The following ADGRB3 variants were observed in gnomAD, a reference collection of about 807,000 sequenced individuals.
ADGRB3 encodes adhesion G protein-coupled receptor B3, also known as brain-specific angiogenesis inhibitor 3.
A neutral mutation model predicts 193.4 loss-of-function variants in ADGRB3; 37 were observed. The ratio of observed to expected loss-of-function variants is 0.19; its 90% CI spans 0.15 to 0.25. The LOEUF (loss-of-function observed/expected upper bound fraction) is 0.25. ADGRB3 is among the 10% of genes least tolerant of loss of function. ADGRB3 has a pLI of 1.00. For synonymous variants in ADGRB3, 690 were observed against 644.2 expected (o/e 1.07, Z -1.08); for missense variants, 1,637 against 1,852.9 (o/e 0.88, Z 2.14).
chr6:68,942,698 C>A (rs541215060), intron 5 of ADGRB3, among the ~76,000 whole-genome samples: 1 of 152,068 alleles, frequency 6.6e-6, no homozygotes, highest in Admixed American at 6.6e-5. Flanking sequence ...GCAGCCCCCA[C>A]CTTCCAGATT....
At chr6:69,165,872 T>A (rs556478161) in intron 17 of ADGRB3, among the ~76,000 whole-genome samples, 2 of 152,246 alleles carry the variant, frequency 1.3e-5, no homozygotes, top group South Asian at 4.1e-4. Context: ...ATTTTATAGA[T>A]GAAGAAACTG....
At chr6:68,965,445 GT>G (rs66575626) in intron 8 of ADGRB3, among the ~76,000 whole-genome samples, 7 of 148,744 alleles carry the variant, frequency 4.7e-5, no homozygotes, top group East Asian at 3.9e-4. Context: ...AGTAGTACAT[GT>G]TTTTTTTTTG....
intron 30 of ADGRB3, among the ~76,000 whole-genome samples, chr6:69,377,143 T>C (rs1769842583): frequency 6.6e-6 from 1 of 152,068 alleles, no homozygotes; most frequent in African/African-American, 2.4e-5. Context: ...CATTGCTTCC[T>C]TAATATGAGT....
At chr6:68,915,598 G>A (rs908807989) in intron 3 of ADGRB3, among the ~76,000 whole-genome samples, 9 of 152,140 alleles carry the variant, frequency 5.9e-5, no homozygotes, top group Non-Finnish European at 1.3e-4. Flanking sequence ...AGACAGGAGA[G>A]TGTCCTCGGC....
At chr6:69,174,394 C>A (rs2150349065) in intron 17 of ADGRB3, among the ~76,000 whole-genome samples, 1 of 152,278 alleles carries the variant, frequency 6.6e-6, no homozygotes, top group African/African-American at 2.4e-5. Context: ...GGGATAATGG[C>A]CTTCAGCTAC....
intron 3 of ADGRB3, among the ~76,000 whole-genome samples, chr6:68,697,815 G>T (rs1765181387): frequency 6.6e-6 from 1 of 151,840 alleles, no homozygotes; most frequent in East Asian, 1.9e-4. Flanking sequence ...GACTTTCAAA[G>T]GATTTGCATT....
intron 15 of ADGRB3, among the ~76,000 whole-genome samples, chr6:69,061,584 T>C (rs1771750920): frequency 6.6e-6 from 1 of 152,032 alleles, no homozygotes; most frequent in Non-Finnish European, 1.5e-5. Context: ...ATGGTAATTA[T>C]TTATAATAGC....
At chr6:68,765,537 G>GACAC (rs59919588) in intron 3 of ADGRB3, among the ~76,000 whole-genome samples, 22,564 of 143,386 alleles carry the variant, frequency 0.16, 2,078 homozygotes, top group East Asian at 0.45. Context: ...TATTCTTATA[G>GACAC]ACACACACAC....
chr6:69,065,531 G>A (rs1199887676), intron 16 of ADGRB3, among the ~76,000 whole-genome samples: 1 of 151,886 alleles, frequency 6.6e-6, no homozygotes, highest in Non-Finnish European at 1.5e-5. Flanking sequence ...ACTTTGGGAA[G>A]TATTACTGTT....
At chr6:68,875,919 TC>T (rs1230193375) in intron 3 of ADGRB3, among the ~76,000 whole-genome samples, 5 of 152,268 alleles carry the variant, frequency 3.3e-5, no homozygotes, top group African/African-American at 1.2e-4. Context: ...GCTGTTGTCA[TC>T]CATATACTGT....
At chr6:68,849,262 T>G (rs1440432057) in intron 3 of ADGRB3, among the ~76,000 whole-genome samples, 1 of 151,922 alleles carries the variant, frequency 6.6e-6, no homozygotes, top group Non-Finnish European at 1.5e-5. Flanking sequence ...TGTGTCTGCT[T>G]GAAGGGTTTG....
intron 3 of ADGRB3, among the ~76,000 whole-genome samples, chr6:68,812,520 C>T (rs1459751644): frequency 6.6e-6 from 1 of 151,940 alleles, no homozygotes; most frequent in Non-Finnish European, 1.5e-5. Context: ...TCCATTGTGC[C>T]TTGCTAATGT....
At chr6:69,328,777 T>C (rs987363473) in intron 22 of ADGRB3, among the ~76,000 whole-genome samples, 1 of 152,284 alleles carries the variant, frequency 6.6e-6, no homozygotes, top group South Asian at 2.1e-4. Flanking sequence ...CTATAGTATT[T>C]TTAAAAATTC....
intron 3 of ADGRB3, among the ~76,000 whole-genome samples, chr6:68,890,616 C>T (rs1411332812): frequency 6.6e-6 from 1 of 152,124 alleles, no homozygotes; most frequent in African/African-American, 2.4e-5. Flanking sequence ...GTACACTATT[C>T]TTGATCTTAG....
chr6:69,092,178 T>G (rs1487035969), intron 17 of ADGRB3, among the ~76,000 whole-genome samples: 1 of 152,226 alleles, frequency 6.6e-6, no homozygotes, highest in African/African-American at 2.4e-5. Flanking sequence ...TATTTAAATT[T>G]TGTCATGATC....
At chr6:69,315,049 A>G (rs1768283161) in intron 20 of ADGRB3, among the ~76,000 whole-genome samples, 1 of 151,676 alleles carries the variant, frequency 6.6e-6, no homozygotes, top group African/African-American at 2.4e-5. Context: ...ATAAAGGCTC[A>G]TGATTTAATA....
At chr6:69,336,147 A>G (rs1259711442) in intron 24 of ADGRB3, among the ~76,000 whole-genome samples, 1 of 151,996 alleles carries the variant, frequency 6.6e-6, no homozygotes, top group East Asian at 1.9e-4. Flanking sequence ...ATTATTTTAT[A>G]CTCAGGTATT....
chr6:69,178,564 A>G (rs931380801), intron 17 of ADGRB3, among the ~76,000 whole-genome samples: 3 of 152,136 alleles, frequency 2.0e-5, no homozygotes, highest in African/African-American at 7.2e-5. Context: ...ATGTATTTAA[A>G]TGTATTTTTG....
intron 17 of ADGRB3, among the ~76,000 whole-genome samples, chr6:69,093,978 G>A (rs1772792628): frequency 6.6e-6 from 1 of 152,166 alleles, no homozygotes. Context: ...ATAACCTTAA[G>A]GTAGTGATGG....
Sources: gnomAD v4.1 joint callset for allele counts (sites outside exome capture counted in the v4.1 genomes callset) on GRCh38, gnomAD v4.1.1 for gene constraint, MANE v1.5 for transcripts, NCBI Gene and HGNC (gene_info 2026-07-23, HGNC 2026-07-21) for gene names.